The following SDK1 variants were observed in gnomAD, a reference collection of about 807,000 sequenced individuals.
SDK1 encodes the protein protein sidekick-1.
A neutral mutation model predicts 245.5 loss-of-function variants in SDK1; 157 were observed. The ratio of observed to expected loss-of-function variants is 0.64; its 90% CI spans 0.56 to 0.73. SDK1 has a LOEUF of 0.73. SDK1 is among the 30% of genes least tolerant of loss of function. The probability of loss-of-function intolerance (pLI) is 0.00; values close to 1 mark genes in which losing one functional copy is unlikely to be tolerated. For missense variants in SDK1, 3,583 were observed against 3,002.3 expected (o/e 1.19, Z -4.52); for synonymous variants, 1,647 against 1,278.5 (o/e 1.29, Z -6.15).
chr7:4,011,883 C>T (rs148727816), intron 15 of SDK1, among the ~76,000 whole-genome samples: 107 of 152,240 alleles, frequency 7.0e-4, no homozygotes, highest in African/African-American at 2.5e-3. Flanking sequence ...CACCTTTCCT[C>T]GTTGCTTGGT....
At chr7:3,815,908 G>A (rs1283826466) in intron 4 of SDK1, among the ~76,000 whole-genome samples, 1 of 145,772 alleles carries the variant, frequency 6.9e-6, no homozygotes, top group Non-Finnish European at 1.5e-5. Flanking sequence ...TCAGACCACA[G>A]TGCAATCAAA....
intron 4 of SDK1, among the ~76,000 whole-genome samples, chr7:3,789,310 G>A (rs753196160): frequency 6.6e-6 from 1 of 152,102 alleles, no homozygotes; most frequent in Non-Finnish European, 1.5e-5. Flanking sequence ...ACCACGCCCG[G>A]CTAATTTTTG....
chr7:3,867,235 GA>G (rs1780843421), intron 5 of SDK1, among the ~76,000 whole-genome samples: 1 of 152,092 alleles, frequency 6.6e-6, no homozygotes, highest in Non-Finnish European at 1.5e-5. Flanking sequence ...ACTGGCCAAA[GA>G]AAAAAATAGG....
intron 1 of SDK1, among the ~76,000 whole-genome samples, chr7:3,304,751 C>G (rs555297825): frequency 7.9e-5 from 12 of 152,240 alleles, no homozygotes; most frequent in Admixed American, 7.2e-4. Flanking sequence ...CCTTGTGTTT[C>G]CCCCTATTCC....
intron 42 of SDK1, among the ~76,000 whole-genome samples, chr7:4,239,967 A>T (rs559538508): frequency 6.6e-6 from 1 of 152,238 alleles, no homozygotes; most frequent in Admixed American, 6.5e-5. Flanking sequence ...TAAAAAAACC[A>T]GTCACCTAAA....
At chr7:3,906,937 C>T (rs1778969427) in intron 5 of SDK1, among the ~76,000 whole-genome samples, 1 of 152,046 alleles carries the variant, frequency 6.6e-6, no homozygotes, top group Admixed American at 6.6e-5. Context: ...GCCTCTGTGT[C>T]TTTTTTGATC....
In SDK1 at chr7:3,905,866, C is replaced by T. The variant is rs564624367; in HGVS notation, c.848-45057C>T. 3.0e-3 allele frequency among the ~76,000 whole-genome samples: 455 copies of T among 152,222 alleles called. 5 individuals carry two copies. Among genetic ancestry groups the T allele is most frequent in the African/African-American group, 0.011 (444 of 41,524 alleles). On this transcript the variant is annotated intron_variant, in intron 5 of 44. Transcript: ENST00000404826. ...CTTGAACTCTTGGCCTCAAGCGATC[C>T]TCCCACCTCAGCCTCCCAAAGTGCT...
At chr7:3,757,155 C>T (rs1223137835) in intron 4 of SDK1, among the ~76,000 whole-genome samples, 1 of 152,174 alleles carries the variant, frequency 6.6e-6, no homozygotes, top group Non-Finnish European at 1.5e-5. Context: ...AAACTACCCC[C>T]ACTTCAGATC....
intron 4 of SDK1, among the ~76,000 whole-genome samples, chr7:3,773,733 T>A (rs538116009): frequency 2.0e-5 from 3 of 152,230 alleles, no homozygotes; most frequent in Non-Finnish European, 4.4e-5. Flanking sequence ...GTAGGCTGTT[T>A]CTGTGCCATG....
chr7:3,640,030 T>C (rs1782600825), intron 3 of SDK1, among the ~76,000 whole-genome samples: 1 of 152,036 alleles, frequency 6.6e-6, no homozygotes, highest in African/African-American at 2.4e-5. Flanking sequence ...TAATTTCTTT[T>C]GTTTTTGGTA....
At chr7:3,985,579 A>G (rs1391941945) in intron 13 of SDK1, among the ~76,000 whole-genome samples, 1 of 152,202 alleles carries the variant, frequency 6.6e-6, no homozygotes, top group South Asian at 2.1e-4. Context: ...GCCCAAGGCC[A>G]GGAGTTTGAG....
chr7:3,416,209 G>C (rs879487352), intron 1 of SDK1, among the ~76,000 whole-genome samples: 24 of 152,222 alleles, frequency 1.6e-4, no homozygotes, highest in African/African-American at 3.4e-4. Flanking sequence ...AAATTACACA[G>C]CTTAGGTAGT....
chr7:3,630,782 T>A (rs967723108), intron 2 of SDK1, among the ~76,000 whole-genome samples: 1 of 151,832 alleles, frequency 6.6e-6, no homozygotes, highest in African/African-American at 2.4e-5. Flanking sequence ...GCAGATACAC[T>A]GTGTTTATAT....
At chr7:3,618,391 T>G (rs1391998497) in intron 1 of SDK1, among the ~76,000 whole-genome samples, 2 of 152,228 alleles carry the variant, frequency 1.3e-5, no homozygotes, top group African/African-American at 4.8e-5. Context: ...TTATGAACTT[T>G]TGAATAGTAG....
chr7:3,605,076 G>T (rs1420183767), intron 1 of SDK1, among the ~76,000 whole-genome samples: 8 of 149,622 alleles, frequency 5.3e-5, no homozygotes, highest in East Asian at 2.0e-4. Context: ...TTTTAGGTTT[G>T]TTTACTAGTC....
chr7:3,983,127 T>C (rs1215292884), intron 13 of SDK1, among the ~76,000 whole-genome samples: 1 of 152,186 alleles, frequency 6.6e-6, no homozygotes, highest in Non-Finnish European at 1.5e-5. Context: ...GCATCTACTT[T>C]TGGCAAAGAT....
chr7:3,367,745 A>C (rs770082252), intron 1 of SDK1, among the ~76,000 whole-genome samples: 8 of 152,206 alleles, frequency 5.3e-5, no homozygotes, highest in African/African-American at 1.2e-4. Flanking sequence ...CTCAAATTCC[A>C]GTTGCCTTAA....
chr7:3,408,283 A>G (rs1779105529), intron 1 of SDK1, among the ~76,000 whole-genome samples: 1 of 152,044 alleles, frequency 6.6e-6, no homozygotes, highest in Non-Finnish European at 1.5e-5. Flanking sequence ...ACCTCAAGTG[A>G]TATGCCTGCT....
chr7:3,391,740 G>T (rs1472234571), intron 1 of SDK1, among the ~76,000 whole-genome samples: 1 of 149,254 alleles, frequency 6.7e-6, no homozygotes, highest in African/African-American at 2.5e-5. Flanking sequence ...AGGTTTAAGT[G>T]ATCCTCCTGT....
Sources: gnomAD v4.1 joint callset for allele counts (sites outside exome capture counted in the v4.1 genomes callset) on GRCh38, gnomAD v4.1.1 for gene constraint, MANE v1.5 for transcripts, NCBI Gene and HGNC (gene_info 2026-07-23, HGNC 2026-07-21) for gene names.